Variants in KLF12 observed in about 807,000 individuals in gnomAD.
The protein encoded by KLF12 is KLF transcription factor 12.
A neutral mutation model predicts 37.8 loss-of-function variants in KLF12; 9 were observed. The observed-to-expected ratio is 0.24, with a 90% CI of 0.14 to 0.42. The LOEUF (loss-of-function observed/expected upper bound fraction) is 0.42. Ranked by LOEUF, KLF12 falls within the 10% of genes least tolerant of loss-of-function variation. The probability of loss-of-function intolerance (pLI) is 1.00; values close to 1 mark genes in which losing one functional copy is unlikely to be tolerated. For missense variants in KLF12, 411 were observed against 516.0 expected, an observed-to-expected ratio of 0.80 and a Z score of 1.97; for synonymous variants, 208 against 202.1, an observed-to-expected ratio of 1.03 and a Z score of -0.25.
chr13:73,822,270 TG>T (rs1331119907), intron 4 of KLF12, among the ~76,000 whole-genome samples: 2 of 152,264 alleles, frequency 1.3e-5, no homozygotes, highest in Non-Finnish European at 2.9e-5. Flanking sequence ...ATTTTTGGTT[TG>T]GGATGACATG....
intron 1 of KLF12, among the ~76,000 whole-genome samples, chr13:74,131,403 T>C (rs930761404): frequency 1.3e-5 from 2 of 152,152 alleles, no homozygotes; most frequent in African/African-American, 4.8e-5. Context: ...ACACTAGTGT[T>C]TGCAGACCTT....
chr13:74,057,722 G>A (rs905428192), intron 1 of KLF12, among the ~76,000 whole-genome samples: 1 of 151,992 alleles, frequency 6.6e-6, no homozygotes, highest in Non-Finnish European at 1.5e-5. Context: ...TTAAAATTGA[G>A]CACAAAAATT....
intron 3 of KLF12, among the ~76,000 whole-genome samples, chr13:73,900,508 T>G (rs1887990150): frequency 6.6e-6 from 1 of 152,174 alleles, no homozygotes; most frequent in African/African-American, 2.4e-5. Context: ...TGAAATCAAT[T>G]TATTCAGGAC....
chr13:73,881,640 G>T (rs967063257), intron 3 of KLF12, among the ~76,000 whole-genome samples: 2 of 151,956 alleles, frequency 1.3e-5, no homozygotes, highest in African/African-American at 4.8e-5. Flanking sequence ...TGTATAGACA[G>T]GCAATTTTTG....
chr13:73,902,830 A>G (rs1308242440), intron 3 of KLF12, among the ~76,000 whole-genome samples: 1 of 152,234 alleles, frequency 6.6e-6, no homozygotes, highest in Non-Finnish European at 1.5e-5. Flanking sequence ...GTTACTTTCA[A>G]TAAGATGATT....
intron 5 of KLF12, among the ~76,000 whole-genome samples, chr13:73,786,860 G>C (rs1316246917): frequency 6.6e-6 from 1 of 152,014 alleles, no homozygotes; most frequent in Non-Finnish European, 1.5e-5. Flanking sequence ...AGGAGGTCAA[G>C]GCTGCAGTGA....
intron 3 of KLF12, among the ~76,000 whole-genome samples, chr13:73,939,281 A>C (rs1197816483): frequency 6.6e-6 from 1 of 152,226 alleles, no homozygotes. Flanking sequence ...GTTTTCAAAA[A>C]TATTTTTATT....
At chr13:73,754,005 GGA>G (rs902680073) in intron 6 of KLF12, among the ~76,000 whole-genome samples, 28 of 152,292 alleles carry the variant, frequency 1.8e-4, no homozygotes, top group African/African-American at 6.7e-4. Flanking sequence ...ACTCAGGAGA[GGA>G]GAGAGAGGCA....
At chr13:74,266,184 G>T in the KLF12 span, among the ~76,000 whole-genome samples, 1 of 152,290 alleles carries the variant, frequency 6.6e-6, no homozygotes, top group African/African-American at 2.4e-5. Context: ...TGAAGAGTTT[G>T]TAGCAGATTG....
At chr13:74,271,763 G>T in the KLF12 span, among the ~76,000 whole-genome samples, 1 of 152,124 alleles carries the variant, frequency 6.6e-6, no homozygotes, top group Non-Finnish European at 1.5e-5. Flanking sequence ...GGCAAGTCAG[G>T]TATGGTATAC....
At chr13:73,880,522 G>A (rs972549518) in intron 3 of KLF12, among the ~76,000 whole-genome samples, 1 of 151,952 alleles carries the variant, frequency 6.6e-6, no homozygotes, top group Non-Finnish European at 1.5e-5. Context: ...AACCTGTGAC[G>A]GAGGTTCCTC....
chr13:74,303,443 T>C, the KLF12 span, among the ~76,000 whole-genome samples: 1 of 152,160 alleles, frequency 6.6e-6, no homozygotes, highest in African/African-American at 2.4e-5. Flanking sequence ...TGTATACCTG[T>C]CATTCTTTCT....
At chr13:73,831,315 C>A (rs1401188805) in intron 4 of KLF12, among the ~76,000 whole-genome samples, 5 of 152,060 alleles carry the variant, frequency 3.3e-5, no homozygotes, top group Non-Finnish European at 5.9e-5. Context: ...TCTTAGTTTT[C>A]TCATTGCAAA....
At chr13:74,163,848 T>TAA in the KLF12 span, among the ~76,000 whole-genome samples, 1 of 150,268 alleles carries the variant, frequency 6.7e-6, no homozygotes, top group Admixed American at 6.6e-5. Context: ...CGTATATATA[T>TAA]ATACACCTAC....
the KLF12 span, among the ~76,000 whole-genome samples, chr13:74,150,128 A>ATT: frequency 6.6e-6 from 1 of 151,550 alleles, no homozygotes. Context: ...GTAAGGACTG[A>ATT]TTTTTTTTTC....
chr13:74,093,477 T>C (rs553601882), intron 1 of KLF12, among the ~76,000 whole-genome samples: 11 of 152,136 alleles, frequency 7.2e-5, no homozygotes, highest in African/African-American at 2.6e-4. Context: ...AATAAGAAAA[T>C]TAAAATACAG....
At chr13:74,178,502 T>C in the KLF12 span, among the ~76,000 whole-genome samples, 1 of 152,352 alleles carries the variant, frequency 6.6e-6, no homozygotes, top group Admixed American at 6.5e-5. Context: ...GTATCAATAC[T>C]GTATCCTAGT....
At chr13:73,858,320 G>C (rs1360222506) in intron 3 of KLF12, among the ~76,000 whole-genome samples, 1 of 152,128 alleles carries the variant, frequency 6.6e-6, no homozygotes, top group African/African-American at 2.4e-5. Flanking sequence ...ATAAGTTTTA[G>C]ACTGGTGGCA....
chr13:73,879,672 T>G (rs969845719), intron 3 of KLF12, among the ~76,000 whole-genome samples: 2 of 152,200 alleles, frequency 1.3e-5, no homozygotes, highest in Non-Finnish European at 2.9e-5. Context: ...AATGACTTAA[T>G]TACTCAAAGC....
Sources: allele counts gnomAD v4.1 joint callset (sites outside exome capture counted in the v4.1 genomes callset), GRCh38; gene constraint gnomAD v4.1.1; transcripts MANE v1.5; gene names NCBI Gene and HGNC (gene_info 2026-07-23, HGNC 2026-07-21).